The following MIER2 variants were observed in gnomAD, a reference collection of about 807,000 sequenced individuals.
MIER2 encodes MIER family member 2.
In MIER2, 30 loss-of-function variants were observed where a neutral mutation model predicts 67.6. The ratio of observed to expected loss-of-function variants is 0.44; its 90% CI spans 0.33 to 0.60. The LOEUF (loss-of-function observed/expected upper bound fraction) is 0.60. Ranked by LOEUF, MIER2 falls within the 20% of genes least tolerant of loss-of-function variation. The probability of loss-of-function intolerance (pLI) is 0.02; values close to 1 mark genes in which losing one functional copy is unlikely to be tolerated. For missense variants in MIER2, 702 were observed against 745.1 expected (o/e 0.94, Z 0.67); for synonymous variants, 372 against 312.6 (o/e 1.19, Z -2.00).
chr19:328,071 C>G (rs1600155674), intron 3 of MIER2, 82 bp from the exon 4 acceptor site: 1 of 1,569,828 alleles, frequency 6.4e-7, no homozygotes, highest in Middle Eastern at 1.9e-4. Context: ...CTGAGCCTCA[C>G]TGGCCACAAC....
chr19:321,182 C>T (rs748788723), intron 7 of MIER2, among the ~76,000 whole-genome samples: 3 of 152,122 alleles, frequency 2.0e-5, no homozygotes, highest in African/African-American at 2.4e-5. Context: ...AAAGGTGTTG[C>T]GAGTTTTGAT....
chr19:334,909 C>T (rs908668681), intron 2 of MIER2, among the ~76,000 whole-genome samples: 19 of 152,144 alleles, frequency 1.2e-4, no homozygotes, highest in Middle Eastern at 3.2e-3. Context: ...GGGTTCACAC[C>T]GGACTCCATG....
intron 1 of MIER2, among the ~76,000 whole-genome samples, chr19:340,979 G>A (rs1318523855): frequency 1.3e-5 from 2 of 152,196 alleles, no homozygotes; most frequent in Non-Finnish European, 2.9e-5. Flanking sequence ...TCCTGCCCTG[G>A]GGTTGGCCTG....
chr19:307,663 T>C (rs1237933059), intron 12 of MIER2, 127 bp from the exon 13 acceptor site: 1 of 1,000,720 alleles, frequency 1.0e-6, no homozygotes, highest in Non-Finnish European at 1.4e-6. Flanking sequence ...TCCACACAAA[T>C]ACAAAAGACA....
intron 10 of MIER2, among the ~76,000 whole-genome samples, chr19:310,547 GCAGAAACACGGCCCGGAGCTA>G (rs1970912397): frequency 2.8e-5 from 1 of 35,702 alleles, no homozygotes; most frequent in Non-Finnish European, 4.6e-5. Flanking sequence ...GCCCGGAGCT[GCAGAAACACGGCCCGGAGCTA>G]TAGAAACACG....
chr19:312,445 C>T (rs1971063186), intron 8 of MIER2, among the ~76,000 whole-genome samples, 173 bp from the exon 9 acceptor site: 1 of 123,260 alleles, frequency 8.1e-6, no homozygotes, highest in Non-Finnish European at 1.7e-5. Context: ...GTCCACACCA[C>T]CCTCCTGGGC....
Position 307,482 on chromosome 19 carries a change from G to C in MIER2, c.1253C>G (p.Ser418Cys). ...AGGLDEPGVA[S>C]DGLPSSEPGP... Reference sequence around the variant, plus strand: ...TGGCTCCGAGGACGGGAGTCCATCAGAGGCCACTCCGGGCTCATCGAGACC... The same window carrying C: ...TGGCTCCGAGGACGGGAGTCCATCACAGGCCACTCCGGGCTCATCGAGACC... Residue 418 changes from serine (S) to cysteine (C), a missense_variant, in exon 13 of 14, where the codon TCT (serine) becomes TGT (cysteine). Ser to Cys is a moderately radical substitution (Grantham distance 112). Coordinates refer to ENST00000264819, the MANE Select transcript of MIER2 (RefSeq NM_017550.3). 6.5e-7 allele frequency: 1 copy of C among 1,547,696 alleles called. No homozygotes were observed. Among genetic ancestry groups the C allele is most frequent in the South Asian group, 1.2e-5 (1 of 80,930 alleles).
intron 7 of MIER2, among the ~76,000 whole-genome samples, chr19:319,171 G>A (rs1971391328): frequency 6.6e-6 from 1 of 151,444 alleles, no homozygotes; most frequent in African/African-American, 2.4e-5. Context: ...AGACCAGCCT[G>A]GCCAACATGG....
At chr19:306,930 T>C (rs1217453512) in intron 13 of MIER2, among the ~76,000 whole-genome samples, 189 bp downstream of exon 13, 3 of 152,262 alleles carry the variant, frequency 2.0e-5, no homozygotes, top group Non-Finnish European at 4.4e-5. Context: ...ACCACATGAA[T>C]GTATTCTCCA....
rs1177568539 is a variant in MIER2 at position 306,363 on chromosome 19, G to C, written c.*327C>G. 1 of 473,172 alleles carries C rather than the reference G, an allele frequency of 2.1e-6. No individual in the cohort carries two copies. Among genetic ancestry groups the C allele is most frequent in the South Asian group, 3.0e-5 (1 of 33,488 alleles). The allele number at this position is 473,172 out of a possible 1,614,324, so 29.3% of individuals were successfully genotyped here. A position where few individuals can be genotyped will look rare whatever the true frequency, so the allele number is the denominator to read the frequency against. ...CGCCTCTGCTGGCTGGAAGGGACTAGGTGGCCGGCTCTGCCCTGCGTCCCA... is the reference window on the plus strand; with the variant it reads ...CGCCTCTGCTGGCTGGAAGGGACTACGTGGCCGGCTCTGCCCTGCGTCCCA... On this transcript the variant is annotated 3_prime_UTR_variant, in exon 14 of 14. Coordinates refer to ENST00000264819, the MANE Select transcript of MIER2 (RefSeq NM_017550.3).
At chr19:316,380 T>TGC (rs1198186355) in intron 7 of MIER2, among the ~76,000 whole-genome samples, 1 of 151,858 alleles carries the variant, frequency 6.6e-6, no homozygotes, top group African/African-American at 2.4e-5. Flanking sequence ...GCAACCTCCA[T>TGC]CTCCGGGGTT....
At chr19:307,898 T>A (rs972541019) in intron 12 of MIER2, among the ~76,000 whole-genome samples, 1 of 116,840 alleles carries the variant, frequency 8.6e-6, no homozygotes, top group Non-Finnish European at 1.7e-5. Context: ...CGAGGGCTAA[T>A]ACAGGGTCTT....
chr19:324,738 G>C (rs117147873), intron 7 of MIER2, among the ~76,000 whole-genome samples: 1 of 152,248 alleles, frequency 6.6e-6, no homozygotes, highest in Non-Finnish European at 1.5e-5. Flanking sequence ...CATCCCATGG[G>C]ACGAAGAAGT....
intron 7 of MIER2, among the ~76,000 whole-genome samples, chr19:323,035 A>T (rs914733629): frequency 1.3e-5 from 2 of 152,168 alleles, no homozygotes; most frequent in South Asian, 4.2e-4. Context: ...GACACACACA[A>T]CCACACAGAC....
At chr19:330,933 G>A (rs1482208350) in intron 3 of MIER2, among the ~76,000 whole-genome samples, 1 of 152,120 alleles carries the variant, frequency 6.6e-6, no homozygotes, top group Non-Finnish European at 1.5e-5. Context: ...TTTTGCTGTA[G>A]CATCAAAGAA....
intron 1 of MIER2, among the ~76,000 whole-genome samples, chr19:343,599 C>T (rs966068091): frequency 3.3e-5 from 5 of 152,244 alleles, no homozygotes; most frequent in African/African-American, 1.2e-4. Flanking sequence ...GACATAAACA[C>T]GCAACGTGGC....
At chr19:334,934 G>T (rs966617194) in intron 2 of MIER2, among the ~76,000 whole-genome samples, 7 of 152,168 alleles carry the variant, frequency 4.6e-5, no homozygotes, top group Non-Finnish European at 4.4e-5. Flanking sequence ...CTGAAACGGG[G>T]GTGACGCTGA....
At chr19:331,921 C>A (rs1972044646) in intron 3 of MIER2, among the ~76,000 whole-genome samples, 1 of 152,072 alleles carries the variant, frequency 6.6e-6, no homozygotes, top group Admixed American at 6.6e-5. Flanking sequence ...GCGGAGGATG[C>A]AGTGAGCCAA....
chr19:338,058 G>A (rs1397488428), intron 1 of MIER2, among the ~76,000 whole-genome samples: 1 of 147,578 alleles, frequency 6.8e-6, no homozygotes, highest in Admixed American at 6.9e-5. Context: ...TGTAGTCCCA[G>A]TTACTCGGGA....
Sources: gnomAD v4.1 joint callset for allele counts (sites outside exome capture counted in the v4.1 genomes callset) on GRCh38, gnomAD v4.1.1 for gene constraint, MANE v1.5 for transcripts, NCBI Gene and HGNC (gene_info 2026-07-23, HGNC 2026-07-21) for gene names.